The following DROSHA variants were observed in gnomAD, a reference collection of about 807,000 sequenced individuals.
DROSHA encodes the protein drosha ribonuclease III, also known as ribonuclease 3.
In DROSHA, 56 loss-of-function variants were observed where a neutral mutation model predicts 181.9. The observed-to-expected ratio is 0.31, with a 90% confidence interval of 0.25 to 0.38. The LOEUF (loss-of-function observed/expected upper bound fraction) is 0.38. Among genes scored for constraint, DROSHA ranks in the 10% least tolerant of loss-of-function variants. The pLI is 1.00. For missense variants in DROSHA, 1,218 were observed against 1,743.5 expected, an observed-to-expected ratio of 0.70 and a Z score of 5.37; for synonymous variants, 524 against 591.2, an observed-to-expected ratio of 0.89 and a Z score of 1.65.
chr5:31,525,160 G>A (rs1404142234), intron 5 of DROSHA, among the ~76,000 whole-genome samples: 2 of 151,836 alleles, frequency 1.3e-5, no homozygotes, highest in Admixed American at 6.6e-5. Context: ...GCAAAACCCC[G>A]TCTCTACTAA....
rs192544535 is a variant in DROSHA at position 31,501,661 on chromosome 5, T to G, written c.1668+2894A>C. 2.8e-3 allele frequency among the ~76,000 whole-genome samples: 425 copies of G among 152,208 alleles called. 1 individual carries two copies. Among genetic ancestry groups the G allele is most frequent in the African/African-American group, 9.8e-3 (409 of 41,548 alleles). On this transcript the variant is annotated intron_variant, in intron 11 of 35. Transcript: ENST00000344624. ...AAACTTAACCAAGCAGGAACTCTGA[T>G]TGTAGCTGCCGGGCCAGGTGTTGTA...
At position 31,514,828 on chromosome 5, in the gene DROSHA, G is replaced by C. The variant is rs573565961; in HGVS notation, c.1290+160C>G. 4.6e-5 allele frequency among the ~76,000 whole-genome samples: 7 copies of C among 152,150 alleles called. No individual in the cohort carries two copies. In the South Asian group the frequency reaches 1.5e-3, roughly 32 times the overall value. On this transcript the variant is annotated intron_variant, in intron 8 of 35. Coordinates refer to ENST00000344624, the MANE Select transcript of DROSHA (RefSeq NM_001382508.1). This position sits in a 1 kb window ranked among gnomAD's most constrained non-coding sequence, Gnocchi z 4.4. ...TTTTCGGTAACCACAACTGGGGAGGGGTACTACTGGCATCTAACAGGTAGA... is the reference window on the plus strand; with the variant it reads ...TTTTCGGTAACCACAACTGGGGAGGCGTACTACTGGCATCTAACAGGTAGA...
At chr5:31,424,787 AT>A (rs1743277295) in intron 27 of DROSHA, among the ~76,000 whole-genome samples, 1 of 152,050 alleles carries the variant, frequency 6.6e-6, no homozygotes, top group Non-Finnish European at 1.5e-5. Context: ...TTTTAATCAT[AT>A]TTTTTTCTTA....
At chr5:31,407,195 T>C in intron 33 of DROSHA, 1 of 285,462 alleles carries the variant, frequency 3.5e-6, no homozygotes, top group Non-Finnish European at 6.5e-6. Context: ...CAAAGTAATA[T>C]AAATAACATC....
Position 31,451,567 on chromosome 5 carries a change from A to G in DROSHA, c.2648T>C (p.Ile883Thr). The G allele has an allele frequency of 6.2e-7, 1 of 1,612,730 alleles. No individual in the cohort carries two copies. The highest frequency in any genetic ancestry group is 8.5e-7 in the Non-Finnish European group (1 of 1,179,380). ...HQCLMHLDKL[I>T]GYTFQDRCLL... ...ACAACGATCTTGGAAAGTATATCCTATCAACTTGTCCAAATGCATTAGGCA... is the reference window on the plus strand; with the variant it reads ...ACAACGATCTTGGAAAGTATATCCTGTCAACTTGTCCAAATGCATTAGGCA... Residue 883 changes from isoleucine (I) to threonine (T), a missense_variant, in exon 21 of 36, where the codon ATA (isoleucine) becomes ACA (threonine). Ile to Thr is a moderately conservative substitution (Grantham distance 89). Around this residue, in one of 8 missense-constraint regions of DROSHA, gnomAD observed 460 missense variants for 774.2 expected, o/e 0.59. Coordinates refer to ENST00000344624, the MANE Select transcript of DROSHA (RefSeq NM_001382508.1).
At chr5:31,422,674 C>A in intron 29 of DROSHA, 113 bp downstream of exon 29, 1 of 1,371,370 alleles carries the variant, frequency 7.3e-7, no homozygotes, top group Non-Finnish European at 1.0e-6. Context: ...CACAATGTGA[C>A]TTTCCTGGAA....
rs149237840 is a variant in DROSHA, at chr5:31,457,285, G to A, written c.2575-5645C>T. Among the ~76,000 whole-genome samples the A allele has an allele frequency of 8.1e-3, 1,228 of 151,742 alleles. 12 individuals carry two copies. Among genetic ancestry groups the A allele is most frequent in the Non-Finnish European group, 0.014 (918 of 67,910 alleles). On this transcript the variant is annotated intron_variant, in intron 20 of 35. Transcript: ENST00000344624. ...ACTACAGGCACACACCACCACTCCC[G>A]GCTAATTTTTTGTATTTTTAGTAGA...
intron 34 of DROSHA, among the ~76,000 whole-genome samples, chr5:31,406,232 C>T (rs1181604145): frequency 6.6e-6 from 1 of 152,078 alleles, no homozygotes; most frequent in East Asian, 1.9e-4. Flanking sequence ...CAGAGCTGGA[C>T]ACAGTGAACT....
intron 25 of DROSHA, among the ~76,000 whole-genome samples, 164 bp downstream of exon 25, chr5:31,435,601 A>G (rs1580080781): frequency 6.6e-6 from 1 of 152,218 alleles, no homozygotes; most frequent in Admixed American, 6.5e-5. Context: ...AACAGAACTA[A>G]TAAGACTGGA....
chr5:31,511,146 G>A lies in DROSHA; in HGVS notation c.1321C>T (p.Leu441Phe). 2 of 1,613,772 alleles carry A rather than the reference G, an allele frequency of 1.2e-6. No individual in the cohort carries two copies. The highest frequency in any genetic ancestry group is 1.7e-6 in the Non-Finnish European group (2 of 1,179,824). The change falls in exon 9 of 36, where the codon CTT (leucine) becomes TTT (phenylalanine). Residue 441 changes from leucine (L) to phenylalanine (F), a missense_variant. Leu to Phe is a conservative substitution (Grantham distance 22). Transcript: ENST00000344624. The stretch of plus-strand genomic sequence containing the variant: ...TCAAATTTGTCATATAAGTCACGAA[G>A]CCTACTCGTTCCAACCACTGTAGAA... ...GDSTVVGTSRLRDLYDKFEEE... is the reference protein window; with the variant it reads ...GDSTVVGTSRFRDLYDKFEEE...
chr5:31,508,659 G>A lies in DROSHA; in HGVS notation c.1549C>T (p.Arg517Ter), dbSNP rs1738280970. 2 of 1,613,850 alleles carry A rather than the reference G, an allele frequency of 1.2e-6. No homozygotes were observed. The highest frequency in any genetic ancestry group is 1.7e-6 in the Non-Finnish European group (2 of 1,179,850). Residue 517 changes from arginine to a stop codon, truncating the protein, a stop_gained, in exon 10 of 36, where the codon CGA (arginine) becomes TGA (stop). Transcript: ENST00000344624. LOFTEE classifies it high-confidence loss of function. Reference sequence around the variant, plus strand: ...TTGTACCAAAGTTCATCATGAAGTCGGTCAGGGTGGGCCTTTTTGCGTTTG... The same window carrying A: ...TTGTACCAAAGTTCATCATGAAGTCAGTCAGGGTGGGCCTTTTTGCGTTTG... ...EIKRKKAHPD[R>*]LHDELWYNDP... is the part of the protein sequence containing the mutation.
intron 28 of DROSHA, among the ~76,000 whole-genome samples, chr5:31,423,880 A>G (rs1463592229): frequency 6.6e-6 from 1 of 152,220 alleles, no homozygotes; most frequent in Non-Finnish European, 1.5e-5. Flanking sequence ...CCACCACCAT[A>G]TGTAGAGCTT....
chr5:31,511,229 A>T, intron 8 of DROSHA, 53 bp from the exon 9 acceptor site: 1 of 1,498,400 alleles, frequency 6.7e-7, no homozygotes, highest in Non-Finnish European at 9.1e-7. Context: ...CGATCATATC[A>T]AAGATATGTA....
intron 6 of DROSHA, among the ~76,000 whole-genome samples, chr5:31,516,262 C>G (rs1739261538): frequency 6.6e-6 from 1 of 152,080 alleles, no homozygotes. Context: ...CTCAAAACAA[C>G]AATAACAACA....
At chr5:31,437,523 C>G (rs1745023849) in intron 23 of DROSHA, among the ~76,000 whole-genome samples, 2 of 152,186 alleles carry the variant, frequency 1.3e-5, no homozygotes, top group East Asian at 3.9e-4. Context: ...GGGGGTCAGG[C>G]TTTCTACCAG....
At chr5:31,495,395 C>A in intron 11 of DROSHA, 23 bp from the exon 12 acceptor site, 1 of 1,605,408 alleles carries the variant, frequency 6.2e-7, no homozygotes, top group South Asian at 1.1e-5. Flanking sequence ...AAACGAAAAT[C>A]AGTTTACAAG....
intron 20 of DROSHA, among the ~76,000 whole-genome samples, chr5:31,453,449 G>GTC (rs1438999462): frequency 6.6e-6 from 1 of 152,142 alleles, no homozygotes; most frequent in Non-Finnish European, 1.5e-5. Context: ...GGATCAGCCT[G>GTC]TCTCAGCCTC....
chr5:31,416,745 A>G (rs1741998903), intron 30 of DROSHA, among the ~76,000 whole-genome samples: 1 of 152,236 alleles, frequency 6.6e-6, no homozygotes, highest in Non-Finnish European at 1.5e-5. Flanking sequence ...GCAGAGGTGC[A>G]GAGTGAGAAC....
chr5:31,495,613 G>C (rs546949790), intron 11 of DROSHA, among the ~76,000 whole-genome samples: 1 of 152,276 alleles, frequency 6.6e-6, no homozygotes, highest in South Asian at 2.1e-4. Flanking sequence ...CAATAAGGCC[G>C]CAAATGTCTG....
Sources: gnomAD v4.1 joint callset for allele counts (sites outside exome capture counted in the v4.1 genomes callset) on GRCh38, gnomAD v4.1.1 for gene constraint, gnomAD v4.1.1 regional missense constraint, Gnocchi (gnomAD v3.1) non-coding constraint, MANE v1.5 for transcripts, NCBI Gene and HGNC (gene_info 2026-07-23, HGNC 2026-07-21) for gene names.